The following ARHGEF1 variants were observed in gnomAD, a reference collection of about 807,000 sequenced individuals.
ARHGEF1 encodes 115 kDa guanine nucleotide exchange factor.
In ARHGEF1, 40 loss-of-function variants were observed where a neutral mutation model predicts 119.7. The ratio of observed to expected loss-of-function variants is 0.33; its 90% CI spans 0.26 to 0.44. The LOEUF (loss-of-function observed/expected upper bound fraction) is 0.44, where lower values mean the gene tolerates loss of function less well. ARHGEF1 is among the 20% of genes least tolerant of loss of function. ARHGEF1 has a pLI of 1.00. For missense variants in ARHGEF1, 976 were observed against 1,268.3 expected (o/e 0.77, Z 3.50); for synonymous variants, 494 against 521.0 (o/e 0.95, Z 0.71).
In ARHGEF1 at chr19:41,895,408, A is replaced by C; in HGVS notation, c.937A>C (p.Asn313His). 1 of 1,612,602 alleles carries C rather than the reference A, an allele frequency of 6.2e-7. No individual in the cohort carries two copies. Among genetic ancestry groups the C allele is most frequent in the African/African-American group, 1.3e-5 (1 of 74,906 alleles). The change falls in exon 12 of 29, where the codon AAT becomes CAT. Residue 313 changes from asparagine to histidine, a missense_variant. By Grantham distance (68) the Asn-to-His change is moderately conservative. Around this residue, in one of 3 missense-constraint regions of ARHGEF1, gnomAD observed 519 missense variants for 580.9 expected, o/e 0.89. Transcript: ENST00000354532. ...GGVGMPSRDR[N>H]IGAPGQDTPG... ...CGTGGGGATGCCCTCTCGGGACCGG[A>C]ATATCGGGGCTCCTGGGCAGGACAC...
At position 41,888,671 on chromosome 19, in the gene ARHGEF1, T is replaced by A. The variant is rs2074331163; in HGVS notation, c.112-81T>A. 4 of 1,363,890 alleles carry A rather than the reference T, an allele frequency of 2.9e-6. No homozygotes were observed. Among genetic ancestry groups the A allele is most frequent in the Non-Finnish European group, 4.1e-6 (4 of 964,904 alleles). 84.5% of individuals were successfully genotyped at this position (1,363,890 alleles called of 1,614,324 possible). A position where few individuals can be genotyped will look rare whatever the true frequency, so the allele number is the denominator to read the frequency against. On this transcript the variant is annotated intron_variant, in intron 3 of 28. Transcript: ENST00000354532. The surrounding 1 kb of genome is among the most constrained non-coding windows in gnomAD (Gnocchi z 5.1). ...AGCTAACCCTGGCTTGGATCCCTTG[T>A]GAAGTGCCAGGAATGGGTAGGGTCA...
At chr19:41,898,244 T>G in intron 13 of ARHGEF1, 198 bp from the exon 14 acceptor site, 1 of 1,310,976 alleles carries the variant, frequency 7.6e-7, no homozygotes, top group East Asian at 2.6e-5. Flanking sequence ...TCACAGACCT[T>G]GGAGGAGGAG....
rs1568832181 is a variant in ARHGEF1 at position 41,914,742 on chromosome 19, TGTCTCTCCCTCCCCTTCCACC to T, written c.1865+7946_1865+7966del. On this transcript the variant is annotated intron_variant, in intron 18 of 20. Transcript: ENST00000599589. ...TCTCTCCCTCCCCTTCCACCATCTC[TGTCTCTCCCTCCCCTTCCACC>T]GTCTCTGTCTCTCCCTCCCCTTCCA... Among the ~76,000 whole-genome samples the T allele has an allele frequency of 8.6e-4, 20 of 23,352 alleles. 1 individual carries two copies. Among genetic ancestry groups the T allele is most frequent in the South Asian group, 2.6e-3 (1 of 392 alleles). 15.3% of individuals were successfully genotyped at this position (23,352 alleles called of 152,430 possible). A position where few individuals can be genotyped will look rare whatever the true frequency, so the allele number is the denominator to read the frequency against.
At chr19:41,919,972 C>G (rs564412475), upstream of ARHGEF1, among the ~76,000 whole-genome samples, 3 of 147,280 alleles carry the variant, frequency 2.0e-5, no homozygotes, top group Non-Finnish European at 4.5e-5. Context: ...ACAGACATGA[C>G]ACGCCCACAG....
rs1555851973 is a variant in ARHGEF1 at position 41,916,728 on chromosome 19, TAC to T, written c.1866-6357_1866-6356del. 1.3e-5 allele frequency among the ~76,000 whole-genome samples: 2 copies of T among 150,786 alleles called. No individual in the cohort carries two copies. The highest frequency in any genetic ancestry group is 4.0e-4 in the East Asian group (2 of 5,054). ...TTGGTCACGCATGGAGCCGTAGAGA[TAC>T]ACACACCAGCACCAACCCAGACAGC... On this transcript the variant is annotated intron_variant, in intron 18 of 20. Coordinates refer to the ARHGEF1 transcript ENST00000599589. The surrounding 1 kb of genome is among the most constrained non-coding windows in gnomAD (Gnocchi z 5.4).
chr19:41,907,731 A>C, downstream of ARHGEF1: 1 of 234,048 alleles, frequency 4.3e-6, no homozygotes, highest in African/African-American at 2.3e-5. Flanking sequence ...TTATTTCTGT[A>C]GTAAACTCTC....
chr19:41,912,178 C>T (rs1021934822), downstream of ARHGEF1, among the ~76,000 whole-genome samples: 10 of 152,248 alleles, frequency 6.6e-5, no homozygotes, highest in Admixed American at 1.3e-4. Context: ...CAAGCAAATA[C>T]ACAAGCTCAC....
At chr19:41,893,216 G>A in intron 7 of ARHGEF1, 58 bp from the exon 8 acceptor site, 1 of 1,608,924 alleles carries the variant, frequency 6.2e-7, no homozygotes, top group Non-Finnish European at 8.5e-7. Context: ...TGTATCCTGG[G>A]TGGATGGGGA....
intron 4 of ARHGEF1, chr19:41,890,500 G>C (rs1481337293): frequency 6.6e-6 from 1 of 151,866 alleles, no homozygotes; most frequent in African/African-American, 2.4e-5. Flanking sequence ...ATGAAAATTG[G>C]CCAGGCGCAG....
In ARHGEF1 at chr19:41,888,149, G is replaced by C. The variant is rs2074323124; in HGVS notation, c.24+43G>C. The C allele has an allele frequency of 6.2e-7, 1 of 1,613,964 alleles. No individual in the cohort carries two copies. The highest frequency in any genetic ancestry group is 1.3e-5 in the African/African-American group (1 of 74,922). On this transcript the variant is annotated intron_variant, in intron 2 of 28. Transcript: ENST00000354532. The surrounding 1 kb of genome is among the most constrained non-coding windows in gnomAD (Gnocchi z 5.1). ...GGGGTGAGGCGACTCTGGGGCTGTG[G>C]GTGGAGAGTCCTGTGGACTGAAGCT... is the stretch of plus-strand genomic sequence containing the variant.
chr19:41,915,374 C>T (rs573196906), intron 18 of ARHGEF1, among the ~76,000 whole-genome samples: 112 of 151,506 alleles, frequency 7.4e-4, no homozygotes, highest in African/African-American at 2.5e-3. Flanking sequence ...CTCGCCCTTG[C>T]CCATCGCCTC....
At chr19:41,921,721 C>T (rs2074843275), upstream of ARHGEF1, among the ~76,000 whole-genome samples, 1 of 152,016 alleles carries the variant, frequency 6.6e-6, no homozygotes, top group Non-Finnish European at 1.5e-5. This position sits in a 1 kb window ranked among gnomAD's most constrained non-coding sequence, Gnocchi z 4.4. Flanking sequence ...GCGAGCCCGG[C>T]CCTGGAGGTG....
At chr19:41,918,525 C>T (rs2074817450), upstream of ARHGEF1, among the ~76,000 whole-genome samples, 1 of 150,168 alleles carries the variant, frequency 6.7e-6, no homozygotes, top group Non-Finnish European at 1.5e-5. Flanking sequence ...ACATCACACA[C>T]ACACCATACA....
At chr19:41,919,792 A>AACTGT (rs747470381), upstream of ARHGEF1, among the ~76,000 whole-genome samples, 6 of 94,202 alleles carry the variant, frequency 6.4e-5, no homozygotes, top group African/African-American at 3.1e-4. Flanking sequence ...CCTCAGAGAT[A>AACTGT]ACTGCCCCAG....
At chr19:41,922,924 C>T (rs2074850680), upstream of ARHGEF1, among the ~76,000 whole-genome samples, 1 of 152,216 alleles carries the variant, frequency 6.6e-6, no homozygotes, top group Non-Finnish European at 1.5e-5. Context: ...GAGGGGATGC[C>T]TCTGCCCACC....
rs1200908771 is a variant in ARHGEF1, at chr19:41,906,258, G to A, written c.2492-199G>A. ...CTTCCTGAACACATCTCTGTCTTCAGTACCTTCCTGCCCTGTCCCAACCCT... is the reference window on the plus strand; with the variant it reads ...CTTCCTGAACACATCTCTGTCTTCAATACCTTCCTGCCCTGTCCCAACCCT... On this transcript the variant is annotated intron_variant, in intron 26 of 28. Coordinates refer to ENST00000354532, the MANE Select transcript of ARHGEF1 (RefSeq NM_004706.4). The surrounding 1 kb of genome is among the most constrained non-coding windows in gnomAD (Gnocchi z 4.5). 1 of 664,912 alleles carries A rather than the reference G, an allele frequency of 1.5e-6. No individual in the cohort carries two copies. Among genetic ancestry groups the A allele is most frequent in the Non-Finnish European group, 2.6e-6 (1 of 385,464 alleles). The allele number at this position is 664,912 out of a possible 1,614,324, so 41.2% of individuals were successfully genotyped here. A position where few individuals can be genotyped will look rare whatever the true frequency, so the allele number is the denominator to read the frequency against.
intron 12 of ARHGEF1, 26 bp from the exon 13 acceptor site, chr19:41,896,351 C>T (rs1555847584): frequency 7.9e-7 from 1 of 1,269,478 alleles, no homozygotes; most frequent in Non-Finnish European, 1.0e-6. Flanking sequence ...GGCCTTCCAG[C>T]CAGCCCTGCT....
intron 14 of ARHGEF1, among the ~76,000 whole-genome samples, chr19:41,900,198 G>C (rs940928807): frequency 6.6e-6 from 1 of 152,166 alleles, no homozygotes; most frequent in Non-Finnish European, 1.5e-5. Context: ...GCCAAGCATA[G>C]TGGCGCATGC....
Position 41,905,749 on chromosome 19 carries a change from C to A in ARHGEF1, c.2337-11C>A. 1 of 1,613,878 alleles carries A rather than the reference C, an allele frequency of 6.2e-7. No homozygotes were observed. Among genetic ancestry groups the A allele is most frequent in the Non-Finnish European group, 8.5e-7 (1 of 1,179,936 alleles). On this transcript the variant is annotated splice_polypyrimidine_tract_variant and intron_variant, in intron 24 of 28. Transcript: ENST00000354532. This position sits in a 1 kb window ranked among gnomAD's most constrained non-coding sequence, Gnocchi z 6.4. ...AGGGGTGTGGGGTCACCCAGCACTT[C>A]CTCCCCTCAGCACCCGAGAACCCCT...
Sources: gnomAD v4.1 joint callset for allele counts (sites outside exome capture counted in the v4.1 genomes callset) on GRCh38, gnomAD v4.1.1 for gene constraint, gnomAD v4.1.1 regional missense constraint, Gnocchi (gnomAD v3.1) non-coding constraint, MANE v1.5 for transcripts, NCBI Gene and HGNC (gene_info 2026-07-23, HGNC 2026-07-21) for gene names.